ZBTB20: variants seen among roughly 807,000 people sequenced by gnomAD.
ZBTB20 encodes zinc finger and BTB domain containing 20.
A neutral mutation model predicts 56.9 loss-of-function variants in ZBTB20; 9 were observed. The ratio of observed to expected loss-of-function variants is 0.16; its 90% CI spans 0.10 to 0.28. The LOEUF (loss-of-function observed/expected upper bound fraction) is 0.28, where lower values mean the gene tolerates loss of function less well. Among genes scored for constraint, ZBTB20 ranks in the 10% least tolerant of loss-of-function variants. The pLI is 1.00. For synonymous variants in ZBTB20, 417 were observed against 420.7 expected, an observed-to-expected ratio of 0.99 and a Z score of 0.11; for missense variants, 655 against 1,003.0, an observed-to-expected ratio of 0.65 and a Z score of 4.69.
chr3:114,673,792 C>CT (rs769662907), intron 6 of ZBTB20, among the ~76,000 whole-genome samples: 23 of 152,170 alleles, frequency 1.5e-4, no homozygotes, highest in Non-Finnish European at 2.8e-4. Context: ...AGGCACTTGA[C>CT]TATGCTTTTG....
chr3:114,703,254 G>A (rs1021994109), intron 5 of ZBTB20, among the ~76,000 whole-genome samples: 58 of 152,234 alleles, frequency 3.8e-4, no homozygotes, highest in African/African-American at 1.3e-3. Flanking sequence ...GAAGTTAGGA[G>A]GAACACGTAT....
At chr3:115,039,016 T>C (rs1042653838) in intron 2 of ZBTB20, among the ~76,000 whole-genome samples, 6 of 152,120 alleles carry the variant, frequency 3.9e-5, no homozygotes, top group Non-Finnish European at 5.9e-5. Context: ...TGTTACTGTA[T>C]CCTTGGATAA....
chr3:114,616,468 A>G (rs1435518387), intron 6 of ZBTB20, among the ~76,000 whole-genome samples: 1 of 152,208 alleles, frequency 6.6e-6, no homozygotes, highest in Non-Finnish European at 1.5e-5. Context: ...CTTCTGCAGC[A>G]GGATCTGGGT....
intron 7 of ZBTB20, among the ~76,000 whole-genome samples, chr3:114,471,032 A>G (rs1445805686): frequency 6.6e-6 from 1 of 152,168 alleles, no homozygotes; most frequent in Non-Finnish European, 1.5e-5. Context: ...GTCTTTGTTC[A>G]GAAAATATGT....
At chr3:114,642,715 T>C (rs575763994) in intron 6 of ZBTB20, among the ~76,000 whole-genome samples, 1 of 152,224 alleles carries the variant, frequency 6.6e-6, no homozygotes, top group South Asian at 2.1e-4. Context: ...TAATTCATAA[T>C]AGCTCTACAA....
intron 11 of ZBTB20, among the ~76,000 whole-genome samples, chr3:114,341,406 A>G (rs2079753840): frequency 6.6e-6 from 1 of 152,190 alleles, no homozygotes; most frequent in Non-Finnish European, 1.5e-5. Context: ...TATAGAGGCT[A>G]TGATAGGCTG....
Position 115,011,683 on chromosome 3 carries a change from G to C in ZBTB20, c.-506-37267C>G, listed in dbSNP as rs191501817. Reference sequence around the variant, plus strand: ...GGGAGTACTTCAATCAAATAAAAAAGGATGTTAATGAGCAATAAAAAAATC... The same window carrying C: ...GGGAGTACTTCAATCAAATAAAAAACGATGTTAATGAGCAATAAAAAAATC... On this transcript the variant is annotated intron_variant, in intron 2 of 11. Transcript: ENST00000675478. 5.0e-3 allele frequency among the ~76,000 whole-genome samples: 755 copies of C among 151,844 alleles called. 5 individuals are homozygous for C. The highest frequency in any genetic ancestry group is 0.016 in the South Asian group (77 of 4,824).
chr3:115,034,497 T>C (rs752179040), intron 2 of ZBTB20, among the ~76,000 whole-genome samples: 38 of 151,744 alleles, frequency 2.5e-4, no homozygotes, highest in Non-Finnish European at 8.8e-5. Context: ...TACAGTAGTA[T>C]CACAAAGAAT....
intron 6 of ZBTB20, among the ~76,000 whole-genome samples, chr3:114,636,150 A>C (rs1012153421): frequency 6.6e-6 from 1 of 152,116 alleles, no homozygotes; most frequent in African/African-American, 2.4e-5. Flanking sequence ...AGATCAAAAA[A>C]CAACAACAAC....
At position 114,449,929 on chromosome 3, in the gene ZBTB20, A is replaced by C. The variant is rs79770671; in HGVS notation, c.-255+50423T>G. 4.5e-4 allele frequency among the ~76,000 whole-genome samples: 69 copies of C among 152,292 alleles called. No individual in the cohort carries two copies. In the East Asian group the frequency reaches 0.012, roughly 26 times the overall value. On this transcript the variant is annotated intron_variant, in intron 7 of 11. Transcript: ENST00000675478. The stretch of plus-strand genomic sequence containing the variant: ...TCTATTTCAGTGAAATAACTGATTG[A>C]GTTAATTTTTTTTCTTAATTTACGC...
chr3:114,788,763 A>C (rs1355270916), intron 5 of ZBTB20, among the ~76,000 whole-genome samples: 2 of 152,180 alleles, frequency 1.3e-5, no homozygotes, highest in Non-Finnish European at 2.9e-5. Context: ...AGATGTACCC[A>C]AGACTGGGTA....
chr3:114,642,066 A>T (rs990976042), intron 6 of ZBTB20, among the ~76,000 whole-genome samples: 1 of 152,036 alleles, frequency 6.6e-6, no homozygotes, highest in African/African-American at 2.4e-5. Context: ...TCAGGTATGC[A>T]CAAGGTTCTA....
chr3:114,611,132 T>C (rs1479787153), intron 6 of ZBTB20, among the ~76,000 whole-genome samples: 1 of 152,192 alleles, frequency 6.6e-6, no homozygotes, highest in East Asian at 1.9e-4. Context: ...GGGATGGTTT[T>C]GAAATCTCTG....
intron 4 of ZBTB20, among the ~76,000 whole-genome samples, chr3:114,884,659 T>C (rs2076536925): frequency 6.6e-6 from 1 of 152,160 alleles, no homozygotes; most frequent in Non-Finnish European, 1.5e-5. Flanking sequence ...AAAGTAGAAA[T>C]GAGAAAAATA....
chr3:114,602,056 C>T (rs1035006732), intron 6 of ZBTB20, among the ~76,000 whole-genome samples: 8 of 152,108 alleles, frequency 5.3e-5, no homozygotes, highest in African/African-American at 1.9e-4. Flanking sequence ...AAAAGGTCCT[C>T]ATATTTAATG....
At chr3:114,883,973 T>A (rs1254421395) in intron 4 of ZBTB20, among the ~76,000 whole-genome samples, 2 of 104,308 alleles carry the variant, frequency 1.9e-5, no homozygotes, top group Non-Finnish European at 3.7e-5. Context: ...TCGCCCAGGC[T>A]GGAGTGCAGT....
chr3:115,108,668 T>C (rs117019679), intron 1 of ZBTB20, among the ~76,000 whole-genome samples: 1 of 152,308 alleles, frequency 6.6e-6, no homozygotes, highest in East Asian at 1.9e-4. Context: ...TGCCTCACAT[T>C]CACCCATATA....
At chr3:115,008,537 T>G (rs775087337) in intron 2 of ZBTB20, among the ~76,000 whole-genome samples, 1 of 151,964 alleles carries the variant, frequency 6.6e-6, no homozygotes, top group Admixed American at 6.6e-5. Context: ...GTTTGAGAGA[T>G]AGAAGGATCA....
At chr3:114,634,066 G>A (rs1256422258) in intron 6 of ZBTB20, among the ~76,000 whole-genome samples, 1 of 152,092 alleles carries the variant, frequency 6.6e-6, no homozygotes, top group Non-Finnish European at 1.5e-5. Context: ...AACATATGTT[G>A]AATTGAAATG....
Sources: allele counts gnomAD v4.1 joint callset (sites outside exome capture counted in the v4.1 genomes callset), GRCh38; gene constraint gnomAD v4.1.1; transcripts MANE v1.5; gene names NCBI Gene and HGNC (gene_info 2026-07-23, HGNC 2026-07-21).